KLHL30: variants seen among roughly 807,000 people sequenced by gnomAD.
KLHL30 encodes kelch like family member 30, also known as kelch-like protein 30.
Under a neutral mutation model 55.0 loss-of-function variants are expected in KLHL30, and 55 were observed. That is an observed-to-expected ratio of 1.00 (90% CI 0.80 to 1.25). The LOEUF (loss-of-function observed/expected upper bound fraction) is 1.25, where lower values mean the gene tolerates loss of function less well. Among genes scored for constraint, KLHL30 ranks in the 50% most tolerant of loss-of-function variants. KLHL30 has a pLI of 0.00. For missense variants in KLHL30, 786 were observed against 811.6 expected (o/e 0.97, Z 0.38); for synonymous variants, 356 against 372.6 (o/e 0.96, Z 0.51).
rs773306090 is a variant in KLHL30, at chr2:238,142,942, C to G, written c.907+11C>G. 18 of 1,504,984 alleles carry G rather than the reference C, an allele frequency of 1.2e-5. No individual in the cohort carries two copies. The highest frequency in any genetic ancestry group is 2.7e-5 in the South Asian group (2 of 72,888). 93.2% of individuals were successfully genotyped at this position (1,504,984 alleles called of 1,614,324 possible). ...ACAACAGCAAGGCCAGTGAGTACCC[C>G]TCCCGCGTCCAGACCCACCTGCTGT... On this transcript the variant is annotated intron_variant, in intron 3 of 7. Coordinates refer to ENST00000409223, the MANE Select transcript of KLHL30 (RefSeq NM_198582.4).
Position 238,147,972 on chromosome 2 carries a change from G to C in KLHL30, c.1289G>C (p.Ser430Thr). The C allele has an allele frequency of 1.3e-6, 2 of 1,560,766 alleles. No homozygotes were observed. Among genetic ancestry groups the C allele is most frequent in the Non-Finnish European group, 1.7e-6 (2 of 1,154,142 alleles). Reference sequence around the variant, plus strand: ...GGCCGGCTCTACCTGGTGGGCTCCAGCGCCTGCAAGTACAACGCCCTGGCC... The same window carrying C: ...GGCCGGCTCTACCTGGTGGGCTCCACCGCCTGCAAGTACAACGCCCTGGCC... ...CRGRLYLVGSSACKYNALALQ... is the reference protein window; with the variant it reads ...CRGRLYLVGSTACKYNALALQ... Residue 430 changes from serine to threonine, a missense_variant, in exon 6 of 8, where the codon AGC (serine) becomes ACC (threonine). Coordinates refer to ENST00000409223, the MANE Select transcript of KLHL30 (RefSeq NM_198582.4). This position sits in a 1 kb window ranked among gnomAD's most constrained non-coding sequence, Gnocchi z 5.8.
At chr2:238,145,085 C>G in intron 4 of KLHL30, 97 bp downstream of exon 4, 1 of 999,400 alleles carries the variant, frequency 1.0e-6, no homozygotes, top group Non-Finnish European at 1.5e-6. Flanking sequence ...GAGGGTTAGT[C>G]AAGGCTTGCC....
rs754833564 is a variant in KLHL30, at chr2:238,149,078, G to A, written c.1411G>A (p.Gly471Arg). ...LSSPRCAALHGELYLIGDNTK... is the reference protein window; with the variant it reads ...LSSPRCAALHRELYLIGDNTK... ...CTCGCCTCGCTGTGCTGCACTGCAC[G>A]GGGAGCTCTACCTCATTGGGGACAA... Residue 471 changes from glycine (G) to arginine (R), a missense_variant, in exon 7 of 8, where the codon GGG (glycine) becomes AGG (arginine). By Grantham distance (125) the Gly-to-Arg change is moderately radical. Transcript: ENST00000409223. The A allele has an allele frequency of 1.5e-5, 24 of 1,613,178 alleles. 1 individual carries two copies. The highest frequency in any genetic ancestry group is 1.3e-4 in the East Asian group (6 of 44,894).
Position 238,151,893 on chromosome 2 carries a change from T to A in KLHL30, c.*828T>A, listed in dbSNP as rs1297877541. 1 of 985,332 alleles carries A rather than the reference T, an allele frequency of 1.0e-6. No individual in the cohort carries two copies. The highest frequency in any genetic ancestry group is 1.7e-5 in the African/African-American group (1 of 57,238). 61.0% of individuals were successfully genotyped at this position (985,332 alleles called of 1,614,324 possible). On this transcript the variant is annotated 3_prime_UTR_variant, in exon 8 of 8. Coordinates refer to ENST00000409223, the MANE Select transcript of KLHL30 (RefSeq NM_198582.4). Reference sequence around the variant, plus strand: ...GAATTTCCCACCAGGGGACGACTCTTGGGTGCATTGGTGGCAGCCTCCTGA... The same window carrying A: ...GAATTTCCCACCAGGGGACGACTCTAGGGTGCATTGGTGGCAGCCTCCTGA...
chr2:238,145,820 T>A lies in KLHL30; in HGVS notation c.1138T>A (p.Tyr380Asn), dbSNP rs749757803. ...CAGCGCGGCCCTCAATGGGGAGATC[T>A]ACGTTATCGGCGGTGAGGCCTTCCT... ...HASAALNGEI[Y>N]VIGGTTLDVV... The change falls in exon 5 of 8, where the codon TAC (tyrosine) becomes AAC (asparagine). Residue 380 changes from tyrosine (Y) to asparagine (N), a missense_variant. Transcript: ENST00000409223. The A allele has an allele frequency of 2.5e-6, 4 of 1,603,066 alleles. No individual in the cohort carries two copies. Among genetic ancestry groups the A allele is most frequent in the Non-Finnish European group, 3.4e-6 (4 of 1,174,666 alleles).
intron 4 of KLHL30, 41 bp from the exon 5 acceptor site, chr2:238,145,636 C>T: frequency 1.9e-6 from 3 of 1,555,032 alleles, no homozygotes; most frequent in Non-Finnish European, 2.6e-6. Flanking sequence ...CCTGGTGCCC[C>T]AGGCTGGTGG....
chr2:238,142,784 C>A lies in KLHL30; in HGVS notation c.775-15C>A, dbSNP rs760454202. The A allele has an allele frequency of 7.3e-6, 10 of 1,377,234 alleles. No homozygotes were observed. The highest frequency in any genetic ancestry group is 3.8e-5 in the South Asian group (2 of 52,532). The allele number at this position is 1,377,234 out of a possible 1,614,324, so 85.3% of individuals were successfully genotyped here. ...CACATTGCTGTTGCCCTGACCCTGGCCTCCCACCCCACAGGCACCACTCGC... is the reference window on the plus strand; with the variant it reads ...CACATTGCTGTTGCCCTGACCCTGGACTCCCACCCCACAGGCACCACTCGC... On this transcript the variant is annotated splice_polypyrimidine_tract_variant and intron_variant, in intron 2 of 7. Coordinates refer to ENST00000409223, the MANE Select transcript of KLHL30 (RefSeq NM_198582.4).
chr2:238,144,738 C>A (rs1303042836), intron 3 of KLHL30, among the ~76,000 whole-genome samples, 164 bp from the exon 4 acceptor site: 4 of 152,136 alleles, frequency 2.6e-5, no homozygotes, highest in South Asian at 2.1e-4. Flanking sequence ...CACCCAGGAC[C>A]CCCCGGGCCC....
At position 238,146,039 on chromosome 2, in the gene KLHL30, G is replaced by A. The variant is rs909513139; in HGVS notation, c.1150+207G>A. Among the ~76,000 whole-genome samples, 3 of 152,106 alleles carry A rather than the reference G, an allele frequency of 2.0e-5. No homozygotes were observed. The East Asian group carries it at 5.9e-4, about 30-fold the overall frequency. On this transcript the variant is annotated intron_variant, in intron 5 of 7. Coordinates refer to ENST00000409223, the MANE Select transcript of KLHL30 (RefSeq NM_198582.4). ...GGCCATCAAGACCCACAGCCCAGGTGTCCTCCCTGGCCAGCTCCCATTGCC... is the reference window on the plus strand; with the variant it reads ...GGCCATCAAGACCCACAGCCCAGGTATCCTCCCTGGCCAGCTCCCATTGCC...
intron 7 of KLHL30, among the ~76,000 whole-genome samples, chr2:238,150,037 C>G (rs1692723176): frequency 6.6e-6 from 1 of 152,178 alleles, no homozygotes. Context: ...ACAGCTGTCC[C>G]CTGGCGTCAC....
chr2:238,149,851 G>A (rs1419791906), intron 7 of KLHL30, among the ~76,000 whole-genome samples: 3 of 152,166 alleles, frequency 2.0e-5, no homozygotes, highest in Admixed American at 6.5e-5. Context: ...CCCTGGTGAA[G>A]GGGACAGTGC....
chr2:238,142,932 G>C lies in KLHL30; in HGVS notation c.907+1G>C. 10 of 1,507,510 alleles carry C rather than the reference G, an allele frequency of 6.6e-6. No homozygotes were observed. Among genetic ancestry groups the C allele is most frequent in the Non-Finnish European group, 8.8e-6 (10 of 1,141,386 alleles). 93.4% of individuals were successfully genotyped at this position (1,507,510 alleles called of 1,614,324 possible). On this transcript the variant is annotated splice_donor_variant, in intron 3 of 7. Coordinates refer to ENST00000409223, the MANE Select transcript of KLHL30 (RefSeq NM_198582.4). LOFTEE classifies it high-confidence loss of function. Reference sequence around the variant, plus strand: ...TTTGCCTTCTACAACAGCAAGGCCAGTGAGTACCCCTCCCGCGTCCAGACC... The same window carrying C: ...TTTGCCTTCTACAACAGCAAGGCCACTGAGTACCCCTCCCGCGTCCAGACC...
rs1559278482 is a variant in KLHL30, at chr2:238,151,115, GC to G, written c.*52del. 6.5e-7 allele frequency: 1 copy of G among 1,540,412 alleles called. No individual in the cohort carries two copies. The highest frequency in any genetic ancestry group is 8.8e-7 in the Non-Finnish European group (1 of 1,139,898). On this transcript the variant is annotated 3_prime_UTR_variant, in exon 8 of 8. Coordinates refer to ENST00000409223, the MANE Select transcript of KLHL30 (RefSeq NM_198582.4). ...GAGTCCCCACAGCGGCCCCTCATCA[GC>G]CTGTGGAACGGCCCCTTTCATTTTC...
Position 238,147,005 on chromosome 2 carries a change from C to CA in KLHL30, c.1151-812dup, listed in dbSNP as rs11344818. 2.0e-3 allele frequency among the ~76,000 whole-genome samples: 219 copies of CA among 110,196 alleles called. No individual in the cohort carries two copies. Among genetic ancestry groups the CA allele is most frequent in the East Asian group, 5.3e-3 (20 of 3,752 alleles). The allele number at this position is 110,196 out of a possible 152,430, so 72.3% of individuals were successfully genotyped here. A position where few individuals can be genotyped will look rare whatever the true frequency, so the allele number is the denominator to read the frequency against. On this transcript the variant is annotated intron_variant, in intron 5 of 7. Transcript: ENST00000409223. The surrounding 1 kb of genome is among the most constrained non-coding windows in gnomAD (Gnocchi z 5.8). ...TAGGTGACAGGGTGAGACTCCATCT[C>CA]AAAAAAAAAAAAAAAAAGGCAGGCA...
chr2:238,145,058 C>A, intron 4 of KLHL30, 70 bp downstream of exon 4: 1 of 1,249,002 alleles, frequency 8.0e-7, no homozygotes, highest in Non-Finnish European at 1.1e-6. Context: ...CAACTCCCCG[C>A]ACTCCGTGGG....
At chr2:238,150,740 A>C in intron 7 of KLHL30, 74 bp from the exon 8 acceptor site, 1 of 1,492,978 alleles carries the variant, frequency 6.7e-7, no homozygotes, top group South Asian at 1.3e-5. Flanking sequence ...CACTCCCCCG[A>C]CCCTGCTGAG....
intron 1 of KLHL30, among the ~76,000 whole-genome samples, chr2:238,139,178 C>T (rs941788049): frequency 5.3e-5 from 8 of 152,210 alleles, no homozygotes; most frequent in Non-Finnish European, 8.8e-5. Context: ...GCAGGCACCC[C>T]GAGGCCCCCA....
At chr2:238,139,803 G>T (rs1272905038) in intron 1 of KLHL30, among the ~76,000 whole-genome samples, 1 of 152,256 alleles carries the variant, frequency 6.6e-6, no homozygotes, top group African/African-American at 2.4e-5. Flanking sequence ...GCCCTGGGGT[G>T]ACCCGGGTCG....
chr2:238,148,708 C>G (rs1436190005), intron 6 of KLHL30, among the ~76,000 whole-genome samples: 2 of 152,110 alleles, frequency 1.3e-5, no homozygotes, highest in East Asian at 3.9e-4. Flanking sequence ...GGGCGGCAGC[C>G]AGGCCAAAGC....
Sources: allele counts gnomAD v4.1 joint callset (sites outside exome capture counted in the v4.1 genomes callset), GRCh38; gene constraint gnomAD v4.1.1; non-coding constraint Gnocchi (gnomAD v3.1); transcripts MANE v1.5; gene names NCBI Gene and HGNC (gene_info 2026-07-23, HGNC 2026-07-21).